Variants in RYR2 observed in about 807,000 individuals in gnomAD.
RYR2 encodes the protein ryanodine receptor 2.
RYR2 carries 227 observed loss-of-function variants against 601.1 expected under a neutral mutation model. That is an observed-to-expected ratio of 0.38 (90% confidence interval 0.34 to 0.42). The LOEUF (loss-of-function observed/expected upper bound fraction) is 0.42, where lower values mean the gene tolerates loss of function less well. Among genes scored for constraint, RYR2 ranks in the 10% least tolerant of loss-of-function variants. The pLI, the probability that RYR2 is intolerant of heterozygous loss-of-function variation, is 1.00. For missense variants in RYR2, 4,646 were observed against 6,156.5 expected, an observed-to-expected ratio of 0.75 and a Z score of 8.21; for synonymous variants, 2,223 against 2,175.1, an observed-to-expected ratio of 1.02 and a Z score of -0.61.
chr1:237,781,101 T>C (rs1009634936), intron 88 of RYR2, among the ~76,000 whole-genome samples: 6 of 152,020 alleles, frequency 3.9e-5, no homozygotes, highest in African/African-American at 1.2e-4. Context: ...CGGGCTGGAG[T>C]GCAGTGGCGT....
rs1688622034 is a variant in RYR2 at position 237,709,192 on chromosome 1, C to T, written c.10142+94C>T. On this transcript the variant is annotated intron_variant, in intron 69 of 104. Coordinates refer to ENST00000366574, the MANE Select transcript of RYR2 (RefSeq NM_001035.3). ...TTCAATCGCTTCATTCACTATTTTG[C>T]CATGAGCTTGTTGGTAATTATAATT... is the stretch of plus-strand genomic sequence containing the variant. The T allele has an allele frequency of 3.4e-6, 4 of 1,188,768 alleles. No homozygotes were observed. In the African/African-American group the frequency reaches 6.1e-5, roughly 18 times the overall value. The allele number at this position is 1,188,768 out of a possible 1,614,324, so 73.6% of individuals were successfully genotyped here. A position where few individuals can be genotyped will look rare whatever the true frequency, so the allele number is the denominator to read the frequency against.
intron 80 of RYR2, among the ~76,000 whole-genome samples, chr1:237,745,349 A>T (rs1177381138): frequency 6.6e-6 from 1 of 152,206 alleles, no homozygotes. Flanking sequence ...ATTATTTCAT[A>T]TAAAATTTAT....
At position 237,680,426 on chromosome 1, in the gene RYR2, G is replaced by T. The variant is rs775327552; in HGVS notation, c.8896-30G>T. On this transcript the variant is annotated intron_variant, in intron 61 of 104. Transcript: ENST00000366574. ...TTCATCCCCTGAAAGATTCCACTAC[G>T]TAGATCTGTCTTCTTTTCCTTTCTT... 1.1e-5 allele frequency: 18 copies of T among 1,598,460 alleles called. No homozygotes were observed. In the East Asian group the frequency reaches 1.8e-4, roughly 16 times the overall value.
intron 8 of RYR2, among the ~76,000 whole-genome samples, chr1:237,382,550 C>T (rs1484823615): frequency 2.2e-5 from 3 of 136,746 alleles, no homozygotes; most frequent in East Asian, 2.4e-4. Context: ...CAACAGGCCC[C>T]GGTGTGTGAT....
At chr1:237,400,804 A>G (rs1427281488) in intron 10 of RYR2, among the ~76,000 whole-genome samples, 1 of 152,118 alleles carries the variant, frequency 6.6e-6, no homozygotes, top group Admixed American at 6.5e-5. Flanking sequence ...CATAGTCCCA[A>G]AAAGGAAGGA....
At chr1:237,644,479 G>A (rs760039597) in intron 48 of RYR2, among the ~76,000 whole-genome samples, 1 of 152,040 alleles carries the variant, frequency 6.6e-6, no homozygotes, top group Non-Finnish European at 1.5e-5. Flanking sequence ...CGATCCGCCT[G>A]CCTCAGCCTC....
chr1:237,772,407 A>G (rs895574069), intron 86 of RYR2, among the ~76,000 whole-genome samples: 1 of 152,150 alleles, frequency 6.6e-6, no homozygotes, highest in Non-Finnish European at 1.5e-5. Context: ...TCCTTCTTCT[A>G]CAGTTGTTAG....
At position 237,204,051 on chromosome 1, in the gene RYR2, C is replaced by T. The variant is rs188048624; in HGVS notation, c.49-66446C>T. On this transcript the variant is annotated intron_variant, in intron 1 of 104. Coordinates refer to ENST00000366574, the MANE Select transcript of RYR2 (RefSeq NM_001035.3). ...TTTGAGATGGAGTCTTGCTCTGTTG[C>T]CCAGGCTGGAGTACAGTGGCGCAAT... Among the ~76,000 whole-genome samples, 2 of 152,296 alleles carry T rather than the reference C, an allele frequency of 1.3e-5. 1 individual carries two copies. Among genetic ancestry groups the T allele is most frequent in the East Asian group, 3.9e-4 (2 of 5,182 alleles).
chr1:237,107,078 G>T (rs1328992344), intron 1 of RYR2, among the ~76,000 whole-genome samples: 1 of 152,130 alleles, frequency 6.6e-6, no homozygotes, highest in African/African-American at 2.4e-5. Context: ...TAAAAGGCTG[G>T]AGGGCTAAAG....
intron 8 of RYR2, among the ~76,000 whole-genome samples, chr1:237,383,554 T>C (rs978463039): frequency 8.0e-5 from 12 of 149,370 alleles, no homozygotes; most frequent in African/African-American, 2.5e-4. Flanking sequence ...CTCAGCCTCC[T>C]GAGTAGCTGG....
intron 1 of RYR2, among the ~76,000 whole-genome samples, chr1:237,145,222 TAAAAAAAA>T (rs544342353): frequency 5.0e-5 from 7 of 139,236 alleles, no homozygotes; most frequent in African/African-American, 1.3e-4. Context: ...AGTATAATAA[TAAAAAAAA>T]AAAGAAAAAA....
At chr1:237,698,898 T>C in intron 63 of RYR2, 67 bp from the exon 64 acceptor site, 2 of 833,584 alleles carry the variant, frequency 2.4e-6, no homozygotes, top group Non-Finnish European at 3.8e-6. Context: ...AGCACAAATA[T>C]TGGTAGAAAA....
intron 1 of RYR2, among the ~76,000 whole-genome samples, chr1:237,207,692 A>G (rs747540247): frequency 2.3e-4 from 35 of 152,188 alleles, no homozygotes; most frequent in African/African-American, 7.2e-4. Flanking sequence ...TCTGTTCTAT[A>G]TAAATTACCC....
intron 100 of RYR2, among the ~76,000 whole-genome samples, chr1:237,818,437 C>T (rs1425013661): frequency 1.3e-5 from 2 of 152,102 alleles, no homozygotes; most frequent in South Asian, 4.1e-4. Context: ...GCAGTAGGCA[C>T]AGGCAGCTGT....
chr1:237,282,637 A>T (rs1572463562), intron 2 of RYR2, among the ~76,000 whole-genome samples: 2 of 152,348 alleles, frequency 1.3e-5, no homozygotes, highest in Admixed American at 1.3e-4. Flanking sequence ...GAGAATACTT[A>T]TGTCAGGAGC....
chr1:237,380,419 TATA>T lies in RYR2; in HGVS notation c.576+2985_576+2987del, dbSNP rs1701405124. Among the ~76,000 whole-genome samples, 38 of 48,284 alleles carry T rather than the reference TATA, an allele frequency of 7.9e-4. 2 individuals carry two copies. Among genetic ancestry groups the T allele is most frequent in the African/African-American group, 2.8e-3 (36 of 13,006 alleles). 31.7% of individuals were successfully genotyped at this position (48,284 alleles called of 152,430 possible). On this transcript the variant is annotated intron_variant, in intron 8 of 104. Coordinates refer to ENST00000366574, the MANE Select transcript of RYR2 (RefSeq NM_001035.3). ...ATATATATATATATATATATATATA[TATA>T]GTAAATACGAAGTCTGGTGAGTATG...
At chr1:237,521,733 A>AAG (rs1450697069) in intron 24 of RYR2, among the ~76,000 whole-genome samples, 1 of 98,396 alleles carries the variant, frequency 1.0e-5, no homozygotes, top group Non-Finnish European at 2.3e-5. Context: ...AAGAAAAAAA[A>AAG]AATTAAATAC....
At chr1:237,407,523 T>C (rs1704019506) in intron 10 of RYR2, among the ~76,000 whole-genome samples, 1 of 152,166 alleles carries the variant, frequency 6.6e-6, no homozygotes, top group Non-Finnish European at 1.5e-5. Context: ...ACATATGACA[T>C]TGAGCATCTT....
At chr1:237,387,455 A>G in intron 9 of RYR2, 75 bp downstream of exon 9, 1 of 1,311,930 alleles carries the variant, frequency 7.6e-7, no homozygotes, top group Non-Finnish European at 1.1e-6. Context: ...TGTGATAATG[A>G]GCTGATTGTT....
Sources: gnomAD v4.1 joint callset for allele counts (sites outside exome capture counted in the v4.1 genomes callset) on GRCh38, gnomAD v4.1.1 for gene constraint, MANE v1.5 for transcripts, NCBI Gene and HGNC (gene_info 2026-07-23, HGNC 2026-07-21) for gene names.